The following PLEKHA5 variants were observed in gnomAD, a reference collection of about 807,000 sequenced individuals.
PLEKHA5 encodes the protein pleckstrin homology domain-containing family A member 5.
A neutral mutation model predicts 181.9 loss-of-function variants in PLEKHA5; 55 were observed. The ratio of observed to expected loss-of-function variants is 0.30; its 90% CI spans 0.24 to 0.38. PLEKHA5 has a LOEUF of 0.38. Among genes scored for constraint, PLEKHA5 ranks in the 10% least tolerant of loss-of-function variants. PLEKHA5 has a pLI of 1.00. For missense variants in PLEKHA5, 1,432 were observed against 1,549.5 expected (o/e 0.92, Z 1.27); for synonymous variants, 535 against 529.4 (o/e 1.01, Z -0.15).
intron 3 of PLEKHA5, among the ~76,000 whole-genome samples, chr12:19,155,797 T>G (rs1016378291): frequency 2.0e-4 from 30 of 152,334 alleles, no homozygotes; most frequent in African/African-American, 4.6e-4. Context: ...CAGGATTCTG[T>G]GGAACTTGAA....
At chr12:19,163,709 T>C (rs1294217393) in intron 3 of PLEKHA5, among the ~76,000 whole-genome samples, 2 of 151,844 alleles carry the variant, frequency 1.3e-5, no homozygotes, top group African/African-American at 4.8e-5. Context: ...TCCTGTTCTC[T>C]TGGGAAAAAT....
intron 11 of PLEKHA5, among the ~76,000 whole-genome samples, chr12:19,276,331 C>T (rs1026505807): frequency 7.2e-5 from 11 of 152,076 alleles, no homozygotes; most frequent in African/African-American, 2.2e-4. Context: ...AGGATGTATT[C>T]GGGATATAAT....
At chr12:19,139,093 G>A (rs1050313911) in intron 3 of PLEKHA5, among the ~76,000 whole-genome samples, 11 of 51,452 alleles carry the variant, frequency 2.1e-4, no homozygotes, top group African/African-American at 3.9e-4. Flanking sequence ...TTGTGGCAGC[G>A]GGAATGGAAA....
At chr12:19,316,490 C>T (rs967566132) in intron 16 of PLEKHA5, among the ~76,000 whole-genome samples, 1 of 151,638 alleles carries the variant, frequency 6.6e-6, no homozygotes, top group Non-Finnish European at 1.5e-5. Flanking sequence ...CCTTGAATAC[C>T]GAAAGAGCAA....
At chr12:19,289,992 G>A (rs2078055342) in intron 13 of PLEKHA5, among the ~76,000 whole-genome samples, 1 of 151,840 alleles carries the variant, frequency 6.6e-6, no homozygotes, top group Admixed American at 6.6e-5. Flanking sequence ...GCCCAGGTTG[G>A]AATGCAATGG....
intron 10 of PLEKHA5, among the ~76,000 whole-genome samples, chr12:19,271,756 C>G (rs1258621101): frequency 6.6e-6 from 1 of 152,108 alleles, no homozygotes; most frequent in African/African-American, 2.4e-5. Context: ...TTTTGGCAAC[C>G]TGATAGTTCA....
chr12:19,168,855 GA>G (rs1160302838), intron 3 of PLEKHA5, among the ~76,000 whole-genome samples: 1 of 152,172 alleles, frequency 6.6e-6, no homozygotes, highest in African/African-American at 2.4e-5. Flanking sequence ...TGGGTGAAGT[GA>G]AAAGAGCTGG....
chr12:19,342,970 G>A (rs1209458869), intron 21 of PLEKHA5, among the ~76,000 whole-genome samples: 1 of 151,912 alleles, frequency 6.6e-6, no homozygotes, highest in Non-Finnish European at 1.5e-5. Context: ...TTCTTTTGGG[G>A]TTTGTTTCTG....
In PLEKHA5 at chr12:19,156,760, A is replaced by G. The variant is rs536837429; in HGVS notation, c.227+24310A>G. Among the ~76,000 whole-genome samples the G allele has an allele frequency of 2.1e-4, 32 of 152,036 alleles. No individual in the cohort carries two copies. In the South Asian group the frequency reaches 5.4e-3, roughly 26 times the overall value. On this transcript the variant is annotated intron_variant, in intron 3 of 31. Coordinates refer to ENST00000429027, the MANE Select transcript of PLEKHA5 (RefSeq NM_001256470.2). Reference sequence around the variant, plus strand: ...TGGAAATGTAGTTAAAAAAAACTGTACAGGTCCAGCACGGTGGCTCACGCC... The same window carrying G: ...TGGAAATGTAGTTAAAAAAAACTGTGCAGGTCCAGCACGGTGGCTCACGCC...
chr12:19,318,876 G>T (rs377278595), intron 16 of PLEKHA5, among the ~76,000 whole-genome samples: 1 of 152,116 alleles, frequency 6.6e-6, no homozygotes, highest in East Asian at 1.9e-4. Context: ...AGCCGAGATC[G>T]CACCACTGCA....
intron 15 of PLEKHA5, among the ~76,000 whole-genome samples, chr12:19,305,816 C>T (rs907202082): frequency 9.7e-5 from 12 of 124,144 alleles, no homozygotes; most frequent in Admixed American, 3.3e-4. Flanking sequence ...GCCAAGATTG[C>T]GCCATTGCCC....
At chr12:19,315,803 C>A (rs1461220156) in intron 16 of PLEKHA5, among the ~76,000 whole-genome samples, 1 of 152,048 alleles carries the variant, frequency 6.6e-6, no homozygotes, top group African/African-American at 2.4e-5. Flanking sequence ...TTTAAGGCCT[C>A]TATTTGGTTC....
intron 15 of PLEKHA5, among the ~76,000 whole-genome samples, chr12:19,311,863 A>G (rs1421496393): frequency 5.9e-5 from 9 of 152,172 alleles, no homozygotes; most frequent in Non-Finnish European, 1.3e-4. Flanking sequence ...AATTCTTTCC[A>G]GAAGTTTCTT....
intron 3 of PLEKHA5, among the ~76,000 whole-genome samples, chr12:19,239,985 T>C (rs1220387261): frequency 6.6e-6 from 1 of 152,254 alleles, no homozygotes; most frequent in East Asian, 1.9e-4. Context: ...GTGTTTGTTA[T>C]GCTACAAGAT....
At position 19,259,196 on chromosome 12, in the gene PLEKHA5, T is replaced by C. The variant is rs2067675664; in HGVS notation, c.537+1659T>C. On this transcript the variant is annotated intron_variant, in intron 6 of 31. Coordinates refer to ENST00000429027, the MANE Select transcript of PLEKHA5 (RefSeq NM_001256470.2). ...ACATAGTGAGACCTCATCTCTACTT[T>C]AAAAAAAAACAAAAAACAAAGATTA... is the stretch of plus-strand genomic sequence containing the variant. Among the ~76,000 whole-genome samples, 3 of 148,888 alleles carry C rather than the reference T, an allele frequency of 2.0e-5. No individual in the cohort carries two copies. The South Asian group carries it at 6.5e-4, about 32-fold the overall frequency.
intron 20 of PLEKHA5, among the ~76,000 whole-genome samples, chr12:19,332,392 T>C (rs1169495429): frequency 1.3e-5 from 2 of 152,238 alleles, no homozygotes; most frequent in Non-Finnish European, 2.9e-5. Context: ...AATATCTATA[T>C]CAAGACATTG....
intron 3 of PLEKHA5, among the ~76,000 whole-genome samples, chr12:19,241,421 A>T (rs1462905460): frequency 6.6e-6 from 1 of 152,216 alleles, no homozygotes; most frequent in Non-Finnish European, 1.5e-5. Context: ...TATGTTGTAC[A>T]CGATAAATAC....
At chr12:19,362,413 G>A (rs1333056656) in intron 29 of PLEKHA5, among the ~76,000 whole-genome samples, 6 of 151,644 alleles carry the variant, frequency 4.0e-5, no homozygotes, top group Admixed American at 3.3e-4. Flanking sequence ...GCATGTCTGT[G>A]GTCCCAGCTA....
intron 25 of PLEKHA5, among the ~76,000 whole-genome samples, chr12:19,350,361 G>T (rs963131037): frequency 1.3e-5 from 2 of 152,180 alleles, no homozygotes; most frequent in African/African-American, 2.4e-5. Flanking sequence ...TTTATGCAGA[G>T]ATAATGTAAG....
Sources: allele counts gnomAD v4.1 joint callset (sites outside exome capture counted in the v4.1 genomes callset), GRCh38; gene constraint gnomAD v4.1.1; transcripts MANE v1.5; gene names NCBI Gene and HGNC (gene_info 2026-07-23, HGNC 2026-07-21).